Variants in NRXN1 observed in about 807,000 individuals in gnomAD.
NRXN1 encodes the protein neurexin 1.
Under a neutral mutation model 150.9 loss-of-function variants are expected in NRXN1, and 39 were observed. The observed-to-expected ratio is 0.26, with a 90% CI of 0.20 to 0.34. The LOEUF (loss-of-function observed/expected upper bound fraction) is 0.34, where lower values mean the gene tolerates loss of function less well. Ranked by LOEUF, NRXN1 falls within the 10% of genes least tolerant of loss-of-function variation. The pLI is 1.00. For missense variants in NRXN1, 1,815 were observed against 1,949.9 expected (o/e 0.93, Z 1.30); for synonymous variants, 924 against 757.0 (o/e 1.22, Z -3.62).
At chr2:49,958,738 C>T (rs2104527202) in intron 21 of NRXN1, among the ~76,000 whole-genome samples, 1 of 152,252 alleles carries the variant, frequency 6.6e-6, no homozygotes, top group East Asian at 1.9e-4. Context: ...AAGAGTATTG[C>T]TGACTATTCT....
At chr2:50,951,959 ATATATTT>A (rs1691413577) in intron 2 of NRXN1, among the ~76,000 whole-genome samples, 1 of 97,600 alleles carries the variant, frequency 1.0e-5, no homozygotes, top group Non-Finnish European at 2.0e-5. Flanking sequence ...ATATATATAT[ATATATTT>A]TTTTTTTTTT....
chr2:50,459,462 C>T (rs574038915), intron 17 of NRXN1, among the ~76,000 whole-genome samples: 1 of 152,204 alleles, frequency 6.6e-6, no homozygotes, highest in Admixed American at 6.6e-5. Flanking sequence ...TCTCCCTCTT[C>T]CCACTCCACC....
chr2:50,970,053 T>C (rs951075010), intron 2 of NRXN1, among the ~76,000 whole-genome samples: 4 of 152,180 alleles, frequency 2.6e-5, no homozygotes, highest in Non-Finnish European at 5.9e-5. Flanking sequence ...CTTCTGGGTA[T>C]AGAACATGAC....
intron 5 of NRXN1, among the ~76,000 whole-genome samples, chr2:50,703,711 A>G (rs1309280802): frequency 6.6e-6 from 1 of 152,184 alleles, no homozygotes. Flanking sequence ...AGGAACGGTT[A>G]ACTATGAATT....
At chr2:50,367,069 T>C (rs1018221255) in intron 17 of NRXN1, among the ~76,000 whole-genome samples, 1 of 151,890 alleles carries the variant, frequency 6.6e-6, no homozygotes, top group Non-Finnish European at 1.5e-5. Context: ...TTAAGGAAAG[T>C]AGGGAACATA....
intron 21 of NRXN1, among the ~76,000 whole-genome samples, chr2:50,027,769 G>C (rs1203709080): frequency 6.6e-6 from 1 of 152,156 alleles, no homozygotes. Context: ...GCATATTGTA[G>C]TCTCTGTCTC....
At chr2:49,961,320 G>GCACACACACA (rs71401054) in intron 21 of NRXN1, among the ~76,000 whole-genome samples, 13 of 145,858 alleles carry the variant, frequency 8.9e-5, no homozygotes, top group South Asian at 2.2e-4. Flanking sequence ...GCGCACGCAT[G>GCACACACACA]CACACACACA....
intron 5 of NRXN1, among the ~76,000 whole-genome samples, chr2:50,737,130 G>A (rs1368738278): frequency 3.3e-5 from 5 of 151,660 alleles, no homozygotes; most frequent in South Asian, 2.1e-4. Context: ...ATGGCAGTGC[G>A]TGCCTGTAAT....
At chr2:51,029,385 T>G (rs944477517) in intron 1 of NRXN1, among the ~76,000 whole-genome samples, 191 bp from the exon 2 acceptor site, 1 of 152,352 alleles carries the variant, frequency 6.6e-6, no homozygotes, top group East Asian at 1.9e-4. Context: ...ATGACACTTT[T>G]ACAGTCAGCC....
intron 15 of NRXN1, among the ~76,000 whole-genome samples, chr2:50,488,662 C>A (rs1166981064): frequency 1.3e-5 from 2 of 152,190 alleles, no homozygotes; most frequent in Admixed American, 1.3e-4. Context: ...CTTTCCACAT[C>A]ACTTGTCAGT....
chr2:50,389,158 T>C (rs138889283), intron 17 of NRXN1, among the ~76,000 whole-genome samples: 4 of 151,740 alleles, frequency 2.6e-5, no homozygotes, highest in African/African-American at 9.7e-5. Flanking sequence ...AGCGAGGCCC[T>C]GTCTCAAGAC....
chr2:50,316,701 C>G, intron 17 of NRXN1, among the ~76,000 whole-genome samples: 2 of 152,080 alleles, frequency 1.3e-5, no homozygotes, highest in Middle Eastern at 6.8e-3. Context: ...TAATAAGTAA[C>G]AAACACATGT....
intron 21 of NRXN1, chr2:49,970,118 C>CT (rs1469289825): frequency 6.6e-6 from 1 of 151,986 alleles, no homozygotes; most frequent in Non-Finnish European, 1.5e-5. Flanking sequence ...GTAATGGAGA[C>CT]TTTATAACAA....
chr2:50,750,600 A>C (rs150639532), intron 5 of NRXN1, among the ~76,000 whole-genome samples: 7 of 152,134 alleles, frequency 4.6e-5, no homozygotes, highest in Admixed American at 4.6e-4. Flanking sequence ...ATAATAATAA[A>C]AAAAGAAAAC....
intron 8 of NRXN1, among the ~76,000 whole-genome samples, chr2:50,578,390 G>T (rs1300320628): frequency 1.3e-5 from 2 of 152,136 alleles, no homozygotes; most frequent in Admixed American, 1.3e-4. Flanking sequence ...TGTACAGCAA[G>T]CCCATAACTT....
At chr2:50,951,621 G>A (rs1691350018) in intron 2 of NRXN1, among the ~76,000 whole-genome samples, 1 of 152,018 alleles carries the variant, frequency 6.6e-6, no homozygotes, top group Admixed American at 6.5e-5. Context: ...GTCACCAACT[G>A]TAACATCTCT....
chr2:50,583,013 T>C (rs1305642813), intron 8 of NRXN1, among the ~76,000 whole-genome samples: 1 of 152,036 alleles, frequency 6.6e-6, no homozygotes, highest in East Asian at 1.9e-4. Flanking sequence ...GATCCCATTA[T>C]TCATTCTATT....
At chr2:50,977,191 A>G (rs909989480) in intron 2 of NRXN1, among the ~76,000 whole-genome samples, 2 of 151,988 alleles carry the variant, frequency 1.3e-5, no homozygotes, top group Admixed American at 1.3e-4. Flanking sequence ...AAAAGGAAAG[A>G]GAAAGAAAAT....
At chr2:50,413,802 T>C (rs918728259) in intron 17 of NRXN1, among the ~76,000 whole-genome samples, 5 of 152,086 alleles carry the variant, frequency 3.3e-5, no homozygotes, top group African/African-American at 1.2e-4. Context: ...AACAGATTAA[T>C]GCATAAAGGA....
Sources: gnomAD v4.1 joint callset for allele counts (sites outside exome capture counted in the v4.1 genomes callset) on GRCh38, gnomAD v4.1.1 for gene constraint, MANE v1.5 for transcripts, NCBI Gene and HGNC (gene_info 2026-07-23, HGNC 2026-07-21) for gene names.